Variants in RAD51B observed in about 807,000 individuals in gnomAD.
RAD51B encodes the protein RAD51 paralog B, also known as DNA repair protein RAD51 homolog 2.
A neutral mutation model predicts 42.2 loss-of-function variants in RAD51B; 38 were observed. The observed-to-expected ratio is 0.90, with a 90% confidence interval of 0.70 to 1.18. The LOEUF is 1.18. Among genes scored for constraint, RAD51B ranks in the 50% most tolerant of loss-of-function variants. The pLI is 0.00. For missense variants in RAD51B, 373 were observed against 400.7 expected, an observed-to-expected ratio of 0.93 and a Z score of 0.59; for synonymous variants, 154 against 145.2, an observed-to-expected ratio of 1.06 and a Z score of -0.43.
At chr14:68,605,028 A>T (rs4375591) in intron 10 of RAD51B, among the ~76,000 whole-genome samples, 1 of 152,062 alleles carries the variant, frequency 6.6e-6, no homozygotes, top group Non-Finnish European at 1.5e-5. Flanking sequence ...GGTGTGGCCC[A>T]GGCGGTGCTG....
chr14:68,202,359 T>C (rs2079503374), intron 7 of RAD51B, among the ~76,000 whole-genome samples: 1 of 152,184 alleles, frequency 6.6e-6, no homozygotes, highest in Non-Finnish European at 1.5e-5. Context: ...AATATTGCTC[T>C]ATAGCATGTC....
At chr14:67,889,920 T>G (rs2043168874) in intron 7 of RAD51B, among the ~76,000 whole-genome samples, 1 of 152,148 alleles carries the variant, frequency 6.6e-6, no homozygotes, top group Admixed American at 6.6e-5. Context: ...GTTGTAGAAG[T>G]CTGGTAGAAT....
chr14:68,128,170 A>G (rs17104992), intron 7 of RAD51B, among the ~76,000 whole-genome samples: 15,718 of 152,200 alleles, frequency 0.1, 2,464 homozygotes, highest in African/African-American at 0.34. Context: ...CTGGAATATG[A>G]GTTTGGTTTT....
intron 8 of RAD51B, among the ~76,000 whole-genome samples, chr14:68,334,976 AAAAC>A (rs1229196540): frequency 6.1e-5 from 9 of 148,450 alleles, no homozygotes; most frequent in African/African-American, 1.2e-4. Flanking sequence ...TATATATAAA[AAAAC>A]AAACAAGAAC....
At chr14:68,357,216 T>C (rs2082928265) in intron 8 of RAD51B, among the ~76,000 whole-genome samples, 1 of 152,220 alleles carries the variant, frequency 6.6e-6, no homozygotes, top group African/African-American at 2.4e-5. Context: ...TCCTCACCAG[T>C]AGATTCCATC....
intron 10 of RAD51B, chr14:68,469,198 T>G: frequency 2.3e-6 from 1 of 435,380 alleles, no homozygotes; most frequent in Non-Finnish European, 4.9e-6. Flanking sequence ...CTGAAGGATT[T>G]ATAAGTTAAA....
rs796629690 is a variant in RAD51B at position 68,070,792 on chromosome 14, C to CT, written c.756+183600dup. Among the ~76,000 whole-genome samples the CT allele has an allele frequency of 3.4e-3, 475 of 139,674 alleles. 3 individuals are homozygous for CT. The highest frequency in any genetic ancestry group is 0.011 in the African/African-American group (413 of 38,548). The allele number at this position is 139,674 out of a possible 152,430, so 91.6% of individuals were successfully genotyped here. ...TTTTGGTTCCAATTGAATTTTAGTG[C>CT]TTTTTTTTTTTTCTAATTATGTGAA... On this transcript the variant is annotated intron_variant, in intron 7 of 10. Coordinates refer to ENST00000471583, the MANE Select transcript of RAD51B (RefSeq NM_133510.4).
At chr14:68,035,933 G>T (rs557387791) in intron 7 of RAD51B, among the ~76,000 whole-genome samples, 2 of 152,308 alleles carry the variant, frequency 1.3e-5, no homozygotes, top group Middle Eastern at 3.4e-3. Context: ...TGTTAAAGAA[G>T]TGGAAATTTG....
At position 68,092,661 on chromosome 14, in the gene RAD51B, T is replaced by C. The variant is rs549351231; in HGVS notation, c.757-199223T>C. On this transcript the variant is annotated intron_variant, in intron 7 of 10. Transcript: ENST00000471583. The stretch of plus-strand genomic sequence containing the variant: ...CATCTGCAAACAGGGACAATTTGAC[T>C]TCCCCTTTTCCTAATTGAATACCCT... Among the ~76,000 whole-genome samples, 368 of 152,310 alleles carry C rather than the reference T, an allele frequency of 2.4e-3. 1 individual carries two copies. Among genetic ancestry groups the C allele is most frequent in the African/African-American group, 8.5e-3 (355 of 41,576 alleles).
chr14:67,951,993 T>TACAAAAAATTC, intron 7 of RAD51B, among the ~76,000 whole-genome samples: 1 of 152,212 alleles, frequency 6.6e-6, no homozygotes, highest in Non-Finnish European at 1.5e-5. Flanking sequence ...ATCAAACTAA[T>TACAAAAAATTC]ACAAAAAATT....
intron 10 of RAD51B, among the ~76,000 whole-genome samples, chr14:68,586,213 T>A (rs1890467805): frequency 1.3e-5 from 2 of 152,094 alleles, no homozygotes. Context: ...CTGAGGACTA[T>A]TCAAAGCTGG....
chr14:67,977,884 C>A (rs933311678), intron 7 of RAD51B, among the ~76,000 whole-genome samples: 1 of 152,180 alleles, frequency 6.6e-6, no homozygotes, highest in East Asian at 1.9e-4. Context: ...AAATTTAGTT[C>A]TGTGATCTTG....
At position 68,601,628 on chromosome 14, in the gene RAD51B, C is replaced by T. The variant is rs986159866; in HGVS notation, c.1037-9378C>T. Among the ~76,000 whole-genome samples, 3 of 152,170 alleles carry T rather than the reference C, an allele frequency of 2.0e-5. 1 individual carries two copies. The East Asian group carries it at 5.8e-4, about 29-fold the overall frequency. On this transcript the variant is annotated intron_variant, in intron 10 of 10. Coordinates refer to the RAD51B transcript ENST00000487861. The stretch of plus-strand genomic sequence containing the variant: ...GAGTTTCATTCTTCATTCAGATCTG[C>T]ACAGGGCTCCCATCACTCAGCTCTG...
intron 7 of RAD51B, among the ~76,000 whole-genome samples, chr14:67,980,470 T>C (rs2075071750): frequency 6.6e-6 from 1 of 151,992 alleles, no homozygotes; most frequent in Admixed American, 6.6e-5. Flanking sequence ...TGGAAAAAAT[T>C]AGAGGACTAA....
chr14:68,271,738 G>A (rs1029947626), intron 7 of RAD51B, among the ~76,000 whole-genome samples: 1 of 152,228 alleles, frequency 6.6e-6, no homozygotes, highest in African/African-American at 2.4e-5. Flanking sequence ...TCTGCGTAGT[G>A]CTTAGCAGAC....
At chr14:67,997,655 G>A (rs1456839887) in intron 7 of RAD51B, among the ~76,000 whole-genome samples, 2 of 151,918 alleles carry the variant, frequency 1.3e-5, no homozygotes, top group East Asian at 1.9e-4. Context: ...TTGATATTTT[G>A]TCAAATATGG....
chr14:68,267,305 A>T (rs1024554258), intron 7 of RAD51B, among the ~76,000 whole-genome samples: 3 of 152,206 alleles, frequency 2.0e-5, no homozygotes, highest in Non-Finnish European at 4.4e-5. Context: ...GATATTAAAA[A>T]CATACCTCAA....
At chr14:68,477,473 A>C (rs1882752706) in intron 10 of RAD51B, among the ~76,000 whole-genome samples, 175 bp from the exon 11 acceptor site, 1 of 151,906 alleles carries the variant, frequency 6.6e-6, no homozygotes, top group African/African-American at 2.4e-5. Flanking sequence ...CCTAACCCAC[A>C]CTTCCGCTGT....
At chr14:68,191,389 G>T (rs1472850151) in intron 7 of RAD51B, among the ~76,000 whole-genome samples, 7 of 152,168 alleles carry the variant, frequency 4.6e-5, no homozygotes, top group Admixed American at 3.3e-4. Context: ...CCAATAAAAG[G>T]TAACTTGAGG....
Sources: gnomAD v4.1 joint callset for allele counts (sites outside exome capture counted in the v4.1 genomes callset) on GRCh38, gnomAD v4.1.1 for gene constraint, MANE v1.5 for transcripts, NCBI Gene and HGNC (gene_info 2026-07-23, HGNC 2026-07-21) for gene names.